TEAD1: variants seen among roughly 807,000 people sequenced by gnomAD.
The protein encoded by TEAD1 is transcriptional enhancer factor TEF-1.
A neutral mutation model predicts 54.9 loss-of-function variants in TEAD1; 9 were observed. That is an observed-to-expected ratio of 0.16 (90% confidence interval 0.10 to 0.29). The LOEUF (loss-of-function observed/expected upper bound fraction) is 0.29, where lower values mean the gene tolerates loss of function less well. Ranked by LOEUF, TEAD1 falls within the 10% of genes least tolerant of loss-of-function variation. The pLI, the probability that TEAD1 is intolerant of heterozygous loss-of-function variation, is 1.00. For missense variants in TEAD1, 387 were observed against 535.9 expected, an observed-to-expected ratio of 0.72 and a Z score of 2.74; for synonymous variants, 200 against 187.8, an observed-to-expected ratio of 1.07 and a Z score of -0.53.
chr11:12,875,066 G>T (rs186695007), intron 5 of TEAD1, among the ~76,000 whole-genome samples: 1 of 152,126 alleles, frequency 6.6e-6, no homozygotes, highest in South Asian at 2.1e-4. Context: ...GCATAATTCC[G>T]TATTAACCTA....
chr11:12,888,219 T>C (rs56053659), intron 9 of TEAD1, among the ~76,000 whole-genome samples: 14,458 of 152,156 alleles, frequency 0.095, 799 homozygotes, highest in South Asian at 0.23. Context: ...AGATAAGACA[T>C]GATTGCTGGC....
chr11:12,886,613 G>A (rs965135198), intron 9 of TEAD1, among the ~76,000 whole-genome samples: 1 of 151,946 alleles, frequency 6.6e-6, no homozygotes, highest in Non-Finnish European at 1.5e-5. Context: ...TACCCAGTAT[G>A]TCAGGGGATG....
chr11:12,845,165 A>G (rs953642605), intron 3 of TEAD1, among the ~76,000 whole-genome samples: 3 of 151,836 alleles, frequency 2.0e-5, no homozygotes, highest in Admixed American at 6.6e-5. Context: ...GGGTTTCACC[A>G]TCTTGGCCAG....
chr11:12,894,405 C>T (rs1266899372), intron 9 of TEAD1, among the ~76,000 whole-genome samples: 4 of 151,974 alleles, frequency 2.6e-5, no homozygotes, highest in African/African-American at 4.8e-5. Context: ...TTCAATACAT[C>T]TAGAATGTAT....
At chr11:12,858,672 C>T (rs1211827893) in intron 3 of TEAD1, among the ~76,000 whole-genome samples, 1 of 152,164 alleles carries the variant, frequency 6.6e-6, no homozygotes, top group Non-Finnish European at 1.5e-5. Flanking sequence ...GAAAAGTGAG[C>T]TTGCTCATCT....
chr11:12,799,067 A>G (rs1046183979), intron 3 of TEAD1, among the ~76,000 whole-genome samples: 2 of 152,246 alleles, frequency 1.3e-5, no homozygotes, highest in Non-Finnish European at 1.5e-5. Flanking sequence ...GGGCTTTTCT[A>G]TCTGTAGACC....
intron 3 of TEAD1, among the ~76,000 whole-genome samples, chr11:12,838,037 T>C (rs1000604454): frequency 2.6e-5 from 4 of 152,102 alleles, no homozygotes; most frequent in African/African-American, 7.2e-5. Context: ...CCTCAGATGA[T>C]CTGCCCTCCT....
At chr11:12,779,234 C>T (rs548303572) in intron 3 of TEAD1, among the ~76,000 whole-genome samples, 26 of 152,024 alleles carry the variant, frequency 1.7e-4, no homozygotes, top group Non-Finnish European at 3.4e-4. Context: ...ATACAGTTAC[C>T]GGGAGCAATG....
intron 3 of TEAD1, among the ~76,000 whole-genome samples, chr11:12,845,929 G>T (rs1011485472): frequency 6.6e-6 from 1 of 152,218 alleles, no homozygotes; most frequent in Non-Finnish European, 1.5e-5. Context: ...CCTGCGGAGC[G>T]CCTTTCCAAG....
chr11:12,742,512 A>G (rs1032082976), intron 2 of TEAD1, among the ~76,000 whole-genome samples: 1 of 152,196 alleles, frequency 6.6e-6, no homozygotes, highest in African/African-American at 2.4e-5. Context: ...ATTCTGGTGC[A>G]TAACATGGTG....
intron 3 of TEAD1, among the ~76,000 whole-genome samples, chr11:12,777,387 G>A (rs1396368054): frequency 6.6e-6 from 1 of 152,138 alleles, no homozygotes; most frequent in Non-Finnish European, 1.5e-5. Flanking sequence ...CCCTGGGTCT[G>A]CCTCTGTGCT....
chr11:12,922,537 A>G (rs1041979864), intron 10 of TEAD1: 1 of 152,202 alleles, frequency 6.6e-6, no homozygotes, highest in Non-Finnish European at 1.5e-5. Flanking sequence ...AACCAATTCA[A>G]AAAGGAAATT....
chr11:12,732,006 A>G (rs923886765), intron 2 of TEAD1, among the ~76,000 whole-genome samples: 7 of 152,136 alleles, frequency 4.6e-5, no homozygotes, highest in African/African-American at 1.7e-4. Context: ...TGTCACACTG[A>G]GTCATTGAGC....
At chr11:12,843,185 G>GGT (rs1379075199) in intron 3 of TEAD1, among the ~76,000 whole-genome samples, 1 of 152,068 alleles carries the variant, frequency 6.6e-6, no homozygotes, top group Non-Finnish European at 1.5e-5. Flanking sequence ...GTCTTGGGAG[G>GGT]GTGCACATAG....
chr11:12,813,477 A>G (rs977630505), intron 3 of TEAD1, among the ~76,000 whole-genome samples: 5 of 152,208 alleles, frequency 3.3e-5, no homozygotes, highest in African/African-American at 1.2e-4. Flanking sequence ...TGGGAAAATA[A>G]CATTTCCCAT....
chr11:12,816,728 C>T (rs1298969968), intron 3 of TEAD1, among the ~76,000 whole-genome samples: 1 of 152,168 alleles, frequency 6.6e-6, no homozygotes, highest in Non-Finnish European at 1.5e-5. Context: ...TTTAGCACAT[C>T]TTTTGTGTGA....
chr11:12,882,270 T>G (rs563108944), intron 8 of TEAD1, among the ~76,000 whole-genome samples: 1 of 152,146 alleles, frequency 6.6e-6, no homozygotes, highest in Non-Finnish European at 1.5e-5. Context: ...CTGGCCAAAT[T>G]AGGCAGTCTA....
intron 2 of TEAD1, among the ~76,000 whole-genome samples, chr11:12,710,965 C>T (rs1481645919): frequency 1.3e-5 from 2 of 152,134 alleles, no homozygotes; most frequent in Non-Finnish European, 2.9e-5. Flanking sequence ...CATAGGATAT[C>T]TGGGAGGCCC....
intron 2 of TEAD1, among the ~76,000 whole-genome samples, chr11:12,702,479 C>G (rs968891487): frequency 6.6e-6 from 1 of 151,998 alleles, no homozygotes; most frequent in Non-Finnish European, 1.5e-5. Flanking sequence ...AGGACAATGC[C>G]GAGAGTAGAA....
Sources: allele counts gnomAD v4.1 joint callset (sites outside exome capture counted in the v4.1 genomes callset), GRCh38; gene constraint gnomAD v4.1.1; transcripts MANE v1.5; gene names NCBI Gene and HGNC (gene_info 2026-07-23, HGNC 2026-07-21).